BFSP2: variants seen among roughly 807,000 people sequenced by gnomAD.
BFSP2 encodes beaded filament structural protein 2.
A neutral mutation model predicts 44.9 loss-of-function variants in BFSP2; 38 were observed. The observed-to-expected ratio is 0.85, with a 90% CI of 0.65 to 1.11. The LOEUF (loss-of-function observed/expected upper bound fraction) is 1.11. Among genes scored for constraint, BFSP2 ranks in the 50% least tolerant of loss-of-function variants. The pLI, the probability that BFSP2 is intolerant of heterozygous loss-of-function variation, is 0.00. For missense variants in BFSP2, 525 were observed against 533.0 expected, an observed-to-expected ratio of 0.99 and a Z score of 0.15; for synonymous variants, 197 against 209.9, an observed-to-expected ratio of 0.94 and a Z score of 0.53.
rs1455749882 is a variant in BFSP2, at chr3:133,404,000, A to T, written c.489+3428A>T. Among the ~76,000 whole-genome samples, 7 of 19,466 alleles carry T rather than the reference A, an allele frequency of 3.6e-4. No homozygotes were observed. In the South Asian group the frequency reaches 0.012, roughly 33 times the overall value. The allele number at this position is 19,466 out of a possible 152,430, so 12.8% of individuals were successfully genotyped here. A position where few individuals can be genotyped will look rare whatever the true frequency, so the allele number is the denominator to read the frequency against. On this transcript the variant is annotated intron_variant, in intron 1 of 6. Coordinates refer to ENST00000302334, the MANE Select transcript of BFSP2 (RefSeq NM_003571.4). ...GGAAGGCCGTCCTGGGGAGGGGGGAATCTTCCTCATCCTTATATCACTATG... is the reference window on the plus strand; with the variant it reads ...GGAAGGCCGTCCTGGGGAGGGGGGATTCTTCCTCATCCTTATATCACTATG...
At chr3:133,448,898 A>C (rs2073929723) in intron 3 of BFSP2, 1 of 508,530 alleles carries the variant, frequency 2.0e-6, no homozygotes, top group Non-Finnish European at 3.5e-6. Context: ...TCTTGGCACT[A>C]GCAAATGAGG....
intron 4 of BFSP2, 71 bp downstream of exon 4, chr3:133,450,535 C>T: frequency 1.3e-6 from 2 of 1,557,124 alleles, no homozygotes; most frequent in Non-Finnish European, 1.8e-6. Flanking sequence ...GCAAACTAGT[C>T]AATGTGCAGA....
chr3:133,450,246 T>C, intron 3 of BFSP2, 57 bp from the exon 4 acceptor site: 1 of 1,596,966 alleles, frequency 6.3e-7, no homozygotes, highest in Non-Finnish European at 8.6e-7. Flanking sequence ...CTGGCTAGAA[T>C]TCTATGCCAT....
At chr3:133,450,677 T>A (rs2073955203) in intron 4 of BFSP2, among the ~76,000 whole-genome samples, 1 of 152,218 alleles carries the variant, frequency 6.6e-6, no homozygotes, top group South Asian at 2.1e-4. Context: ...TGCTGGCAAG[T>A]ATGTGGAGAA....
chr3:133,463,338 C>A (rs1314824454), intron 4 of BFSP2, among the ~76,000 whole-genome samples: 1 of 152,072 alleles, frequency 6.6e-6, no homozygotes, highest in Non-Finnish European at 1.5e-5. Flanking sequence ...AACTCTAGAG[C>A]AGAAACAAAA....
intron 1 of BFSP2, among the ~76,000 whole-genome samples, chr3:133,441,429 A>G (rs1308308225): frequency 2.6e-5 from 4 of 152,214 alleles, no homozygotes; most frequent in Non-Finnish European, 4.4e-5. Context: ...ATCAGGTTAA[A>G]CCAGAAAAGA....
At chr3:133,409,118 A>C (rs994799389) in intron 1 of BFSP2, among the ~76,000 whole-genome samples, 19 of 152,244 alleles carry the variant, frequency 1.2e-4, no homozygotes, top group African/African-American at 4.6e-4. Context: ...AACCACAGGA[A>C]TTTAACTGTA....
At chr3:133,469,358 G>A (rs1018312020) in intron 5 of BFSP2, among the ~76,000 whole-genome samples, 3 of 152,204 alleles carry the variant, frequency 2.0e-5, no homozygotes, top group Non-Finnish European at 4.4e-5. Flanking sequence ...CAAGGCCCCC[G>A]CAGCTTATAT....
At chr3:133,467,198 T>C (rs2074118701) in intron 5 of BFSP2, among the ~76,000 whole-genome samples, 1 of 152,212 alleles carries the variant, frequency 6.6e-6, no homozygotes, top group South Asian at 2.1e-4. Context: ...AAATGTTGAC[T>C]GTTAACATCT....
chr3:133,419,351 G>A lies in BFSP2; in HGVS notation c.489+18779G>A, dbSNP rs562048734. Among the ~76,000 whole-genome samples, 213 of 152,248 alleles carry A rather than the reference G, an allele frequency of 1.4e-3. 1 individual carries two copies. Among genetic ancestry groups the A allele is most frequent in the African/African-American group, 4.7e-3 (194 of 41,550 alleles). The stretch of plus-strand genomic sequence containing the variant: ...CCATTTTACAGATAAAGAAACTGAG[G>A]CCACAGTTAGTGTTCCAGCCAGGAT... On this transcript the variant is annotated intron_variant, in intron 1 of 6. Transcript: ENST00000302334.
intron 1 of BFSP2, among the ~76,000 whole-genome samples, chr3:133,415,549 C>CCTCTACTCACCCCTGCCCCCTCCG (rs571145122): frequency 9.5e-6 from 1 of 105,800 alleles, no homozygotes; most frequent in Non-Finnish European, 2.0e-5. Context: ...TGTTCTCTCC[C>CCTCTACTCACCCCTGCCCCCTCCG]CTCTACTCAC....
At chr3:133,454,927 A>C (rs1415348986) in intron 4 of BFSP2, among the ~76,000 whole-genome samples, 1 of 152,218 alleles carries the variant, frequency 6.6e-6, no homozygotes, top group African/African-American at 2.4e-5. Context: ...AAACTAAGAC[A>C]CATACATACA....
In BFSP2 at chr3:133,400,782, G is replaced by A. The variant is rs679749; in HGVS notation, c.489+210G>A. 0.47 allele frequency among the ~76,000 whole-genome samples: 71,391 copies of A among 152,168 alleles called. 16,956 individuals are homozygous for A. The highest frequency in any genetic ancestry group is 0.52 in the East Asian group (2,716 of 5,186). On this transcript the variant is annotated intron_variant, in intron 1 of 6. Coordinates refer to ENST00000302334, the MANE Select transcript of BFSP2 (RefSeq NM_003571.4). This position sits in a 1 kb window ranked among gnomAD's most constrained non-coding sequence, Gnocchi z 4.0. The stretch of plus-strand genomic sequence containing the variant: ...AGCCCCCATACGTGCACTACCCACT[G>A]TCTTCTTTAAACTTCAAAGAAATGC...
At chr3:133,437,127 G>A (rs1259411666) in intron 1 of BFSP2, among the ~76,000 whole-genome samples, 1 of 152,166 alleles carries the variant, frequency 6.6e-6, no homozygotes, top group Non-Finnish European at 1.5e-5. Flanking sequence ...ATCCAGTAAT[G>A]GGATGGCTGG....
chr3:133,471,664 G>A (rs2074162809), intron 5 of BFSP2, among the ~76,000 whole-genome samples: 1 of 152,130 alleles, frequency 6.6e-6, no homozygotes, highest in Non-Finnish European at 1.5e-5. Flanking sequence ...TGAGTATGAT[G>A]GAGACCAACA....
At chr3:133,413,937 A>G (rs1235790300) in intron 1 of BFSP2, among the ~76,000 whole-genome samples, 9 of 151,750 alleles carry the variant, frequency 5.9e-5, no homozygotes, top group Non-Finnish European at 1.3e-4. Context: ...AATTATGCAG[A>G]AGACAAAGTC....
At chr3:133,450,020 G>GGAAGGAA (rs1559976164) in intron 3 of BFSP2, among the ~76,000 whole-genome samples, 7 of 33,300 alleles carry the variant, frequency 2.1e-4, no homozygotes, top group Middle Eastern at 0.036. Flanking sequence ...GAAGGAAGGA[G>GGAAGGAA]GGAGGGAGGG....
At chr3:133,452,433 A>T (rs1380735573) in intron 4 of BFSP2, among the ~76,000 whole-genome samples, 1 of 152,194 alleles carries the variant, frequency 6.6e-6, no homozygotes, top group Admixed American at 6.5e-5. Flanking sequence ...AATAGAGCCT[A>T]GTTATTCAAA....
intron 1 of BFSP2, chr3:133,410,292 T>C (rs543199771): frequency 1.1e-4 from 42 of 386,080 alleles, no homozygotes; most frequent in Middle Eastern, 8.2e-4. Flanking sequence ...AGAGTGGACA[T>C]AGTAGCCAGT....
Sources: gnomAD v4.1 joint callset for allele counts (sites outside exome capture counted in the v4.1 genomes callset) on GRCh38, gnomAD v4.1.1 for gene constraint, Gnocchi (gnomAD v3.1) non-coding constraint, MANE v1.5 for transcripts, NCBI Gene and HGNC (gene_info 2026-07-23, HGNC 2026-07-21) for gene names.